The following RIMS2 variants were observed in gnomAD, a reference collection of about 807,000 sequenced individuals.
The protein encoded by RIMS2 is regulating synaptic membrane exocytosis protein 2.
Under a neutral mutation model 174.4 loss-of-function variants are expected in RIMS2, and 59 were observed. That is an observed-to-expected ratio of 0.34 (90% CI 0.27 to 0.42). The LOEUF (loss-of-function observed/expected upper bound fraction) is 0.42. Ranked by LOEUF, RIMS2 falls within the 10% of genes least tolerant of loss-of-function variation. RIMS2 has a pLI of 1.00. For missense variants in RIMS2, 1,620 were observed against 1,666.3 expected, an observed-to-expected ratio of 0.97 and a Z score of 0.48; for synonymous variants, 606 against 572.5, an observed-to-expected ratio of 1.06 and a Z score of -0.84.
At chr8:103,967,097 A>ATTATATTC (rs1342463407) in intron 15 of RIMS2, among the ~76,000 whole-genome samples, 1 of 140,876 alleles carries the variant, frequency 7.1e-6, no homozygotes, top group Non-Finnish European at 1.5e-5. Context: ...ATAAATGTTG[A>ATTATATTC]TTATATTCAG....
At chr8:104,217,869 A>G (rs1295995461) in intron 19 of RIMS2, among the ~76,000 whole-genome samples, 2 of 152,238 alleles carry the variant, frequency 1.3e-5, no homozygotes, top group South Asian at 4.1e-4. Flanking sequence ...TTTATCGCTC[A>G]TGACTTAAAT....
intron 2 of RIMS2, among the ~76,000 whole-genome samples, chr8:103,755,855 T>A (rs529298877): frequency 2.0e-5 from 3 of 152,336 alleles, no homozygotes; most frequent in African/African-American, 7.2e-5. Flanking sequence ...TTATCTTCCT[T>A]GCATTGGGTT....
At chr8:104,226,896 T>G (rs960431994) in intron 19 of RIMS2, among the ~76,000 whole-genome samples, 4 of 152,224 alleles carry the variant, frequency 2.6e-5, no homozygotes, top group Non-Finnish European at 5.9e-5. Context: ...ATATGTTGCT[T>G]CTTCATTATT....
chr8:103,929,639 T>C (rs1472485932), intron 11 of RIMS2, among the ~76,000 whole-genome samples: 1 of 151,798 alleles, frequency 6.6e-6, no homozygotes, highest in South Asian at 2.1e-4. Context: ...TAGAAATCAG[T>C]TGGGTTTTTG....
chr8:103,887,463 C>T (rs186644906), intron 4 of RIMS2, among the ~76,000 whole-genome samples: 33 of 151,252 alleles, frequency 2.2e-4, no homozygotes, highest in East Asian at 5.8e-4. Flanking sequence ...GCTCTTTATT[C>T]GCTTCCAAAT....
Position 103,766,492 on chromosome 8 carries a change from G to A in RIMS2, c.653G>A (p.Gly218Glu), listed in dbSNP as rs751676338. 5.0e-6 allele frequency: 8 copies of A among 1,613,802 alleles called. No homozygotes were observed. The highest frequency in any genetic ancestry group is 4.4e-5 in the South Asian group (4 of 91,068). Reference sequence around the variant, plus strand: ...ACAAGACAGCATTCTATTAAAAATGGGTCAGGCGTGAAGCATCACATTGCC... The same window carrying A: ...ACAAGACAGCATTCTATTAAAAATGAGTCAGGCGTGAAGCATCACATTGCC... Residue 218 changes from glycine to glutamate, a missense_variant, in exon 3 of 24, where the codon GGG (glycine) becomes GAG (glutamate). By Grantham distance (98) the Gly-to-Glu change is moderately conservative. Around this residue, in one of 2 missense-constraint regions of RIMS2, gnomAD observed 1,395 missense variants for 1,360.1 expected, o/e 1.03. Coordinates refer to ENST00000504942, the Ensembl canonical transcript of RIMS2.
At chr8:103,745,271 G>A (rs576730199) in intron 2 of RIMS2, among the ~76,000 whole-genome samples, 2 of 151,876 alleles carry the variant, frequency 1.3e-5, no homozygotes, top group Non-Finnish European at 2.9e-5. Flanking sequence ...ATGCTTTTAC[G>A]GCTCATCTGT....
At chr8:103,579,050 G>T (rs2093437142) in intron 1 of RIMS2, among the ~76,000 whole-genome samples, 1 of 151,900 alleles carries the variant, frequency 6.6e-6, no homozygotes, top group Non-Finnish European at 1.5e-5. Flanking sequence ...GAAGGAGAGA[G>T]AAAGTCTTTC....
intron 16 of RIMS2, among the ~76,000 whole-genome samples, chr8:103,987,085 C>T (rs1487378752): frequency 2.0e-5 from 3 of 151,990 alleles, no homozygotes; most frequent in African/African-American, 4.8e-5. Flanking sequence ...GGAAAGTTGC[C>T]TAATTCTTTT....
At chr8:103,936,971 G>A (rs1432852240) in intron 13 of RIMS2, among the ~76,000 whole-genome samples, 4 of 151,948 alleles carry the variant, frequency 2.6e-5, no homozygotes, top group Non-Finnish European at 4.4e-5. Context: ...GGTGGTGGGC[G>A]CCTGTAGTCC....
intron 3 of RIMS2, among the ~76,000 whole-genome samples, chr8:103,795,319 A>C (rs945890428): frequency 1.3e-5 from 2 of 152,148 alleles, no homozygotes; most frequent in Non-Finnish European, 2.9e-5. Flanking sequence ...CATTCTGAGC[A>C]AACTGTCGCA....
At chr8:103,671,082 G>A (rs558969608) in intron 1 of RIMS2, among the ~76,000 whole-genome samples, 29 of 152,122 alleles carry the variant, frequency 1.9e-4, no homozygotes, top group African/African-American at 3.9e-4. Context: ...CGAAAGGCAC[G>A]TCTTACATGG....
At chr8:103,735,151 A>C (rs1029525371) in intron 2 of RIMS2, among the ~76,000 whole-genome samples, 1 of 152,174 alleles carries the variant, frequency 6.6e-6, no homozygotes, top group Non-Finnish European at 1.5e-5. Flanking sequence ...TCTGTTAGTG[A>C]TGAAAGCTGC....
At chr8:103,966,034 C>T (rs1286668380) in intron 15 of RIMS2, among the ~76,000 whole-genome samples, 1 of 152,018 alleles carries the variant, frequency 6.6e-6, no homozygotes, top group African/African-American at 2.4e-5. Context: ...TTGTTGGATT[C>T]AGTGTGCTAA....
At chr8:103,749,260 C>T (rs566901257) in intron 2 of RIMS2, among the ~76,000 whole-genome samples, 7 of 151,908 alleles carry the variant, frequency 4.6e-5, no homozygotes, top group African/African-American at 9.7e-5. Flanking sequence ...TACAGGCATC[C>T]GCCAGCACGC....
rs141391678 is a variant in RIMS2, at chr8:103,568,324, A to G, written c.176+67262A>G. On this transcript the variant is annotated intron_variant, in intron 1 of 23. Transcript: ENST00000504942. The stretch of plus-strand genomic sequence containing the variant: ...AAATAAAATAAGAATAAAATAAAGT[A>G]AAATAAATTAAAATTATGGTTCAGA... Among the ~76,000 whole-genome samples the G allele has an allele frequency of 2.3e-4, 35 of 152,230 alleles. 1 individual carries two copies. In the East Asian group the frequency reaches 6.6e-3, roughly 29 times the overall value.
chr8:104,219,658 T>C (rs538614368), intron 19 of RIMS2, among the ~76,000 whole-genome samples: 1 of 152,196 alleles, frequency 6.6e-6, no homozygotes, highest in Non-Finnish European at 1.5e-5. Context: ...GGCCGTGTTT[T>C]GCTTTTAGAT....
intron 19 of RIMS2, among the ~76,000 whole-genome samples, chr8:104,097,979 A>G (rs983752802): frequency 3.9e-5 from 6 of 152,192 alleles, no homozygotes; most frequent in Admixed American, 6.5e-5. Context: ...AGTACTTACA[A>G]TTAACACAGT....
At chr8:103,588,429 A>G (rs1400365025) in intron 1 of RIMS2, among the ~76,000 whole-genome samples, 3 of 151,980 alleles carry the variant, frequency 2.0e-5, no homozygotes, top group East Asian at 1.9e-4. Context: ...ATATGGAACC[A>G]TAAAAGACCC....
Sources: allele counts gnomAD v4.1 joint callset (sites outside exome capture counted in the v4.1 genomes callset), GRCh38; gene constraint gnomAD v4.1.1; regional missense constraint gnomAD v4.1.1; transcripts MANE v1.5; gene names NCBI Gene and HGNC (gene_info 2026-07-23, HGNC 2026-07-21).